CNTN5: variants seen among roughly 807,000 people sequenced by gnomAD.
CNTN5 encodes the protein contactin 5.
Under a neutral mutation model 129.1 loss-of-function variants are expected in CNTN5, and 77 were observed. The ratio of observed to expected loss-of-function variants is 0.60; its 90% confidence interval spans 0.50 to 0.72. The LOEUF (loss-of-function observed/expected upper bound fraction) is 0.72, where lower values mean the gene tolerates loss of function less well. Among genes scored for constraint, CNTN5 ranks in the 30% least tolerant of loss-of-function variants. The pLI is 0.00. For synonymous variants in CNTN5, 509 were observed against 465.6 expected (o/e 1.09, Z -1.20); for missense variants, 1,478 against 1,328.8 (o/e 1.11, Z -1.75).
intron 13 of CNTN5, among the ~76,000 whole-genome samples, chr11:100,075,994 C>T (rs913232116): frequency 3.3e-5 from 5 of 152,002 alleles, no homozygotes; most frequent in African/African-American, 1.2e-4. Context: ...ATTTCTCATT[C>T]TTAGGTTGGG....
chr11:99,228,068 T>A (rs1056964425), intron 1 of CNTN5, among the ~76,000 whole-genome samples: 2 of 152,166 alleles, frequency 1.3e-5, no homozygotes, highest in African/African-American at 4.8e-5. Context: ...ATTTTCACTT[T>A]TTTTTTGAAA....
At chr11:99,372,432 A>T (rs541920197) in intron 2 of CNTN5, among the ~76,000 whole-genome samples, 2 of 152,232 alleles carry the variant, frequency 1.3e-5, no homozygotes, top group Non-Finnish European at 2.9e-5. Flanking sequence ...GTGTAACTGA[A>T]GTGATGCTAA....
At chr11:100,289,515 A>G (rs1015390132) in intron 18 of CNTN5, among the ~76,000 whole-genome samples, 13 of 152,206 alleles carry the variant, frequency 8.5e-5, no homozygotes, top group East Asian at 3.9e-4. Context: ...AAACCACATG[A>G]TTATCTCAAT....
chr11:100,304,947 C>T (rs1031301738), intron 20 of CNTN5, among the ~76,000 whole-genome samples: 2 of 151,330 alleles, frequency 1.3e-5, no homozygotes, highest in African/African-American at 4.8e-5. Context: ...TTCGAGTTAT[C>T]CCCACATCTA....
intron 1 of CNTN5, among the ~76,000 whole-genome samples, chr11:99,183,337 A>T (rs1425170016): frequency 2.0e-5 from 3 of 152,138 alleles, no homozygotes; most frequent in Non-Finnish European, 4.4e-5. Context: ...TTCTGTAGAA[A>T]TTATTTCAGA....
chr11:99,326,954 G>C (rs1001440228), intron 2 of CNTN5, among the ~76,000 whole-genome samples: 2 of 152,010 alleles, frequency 1.3e-5, no homozygotes, highest in African/African-American at 4.8e-5. Context: ...ATAATAATCT[G>C]TATTCTGTCT....
rs138360294 is a variant in CNTN5, at chr11:99,829,305, C to A, written c.277+9540C>A. Among the ~76,000 whole-genome samples, 4 of 152,256 alleles carry A rather than the reference C, an allele frequency of 2.6e-5. No homozygotes were observed. In the East Asian group the frequency reaches 7.7e-4, roughly 29 times the overall value. On this transcript the variant is annotated intron_variant, in intron 4 of 24. Transcript: ENST00000524871. ...GGCTGCATTCAGAATTACTGTGTTG[C>A]ATGACGATGAAAACATGGTTGTGAA...
chr11:99,070,542 T>C (rs936715797), intron 1 of CNTN5, among the ~76,000 whole-genome samples: 28 of 151,446 alleles, frequency 1.8e-4, no homozygotes, highest in Admixed American at 1.8e-3. Context: ...AAAAAAAAGA[T>C]AGATGGACCA....
intron 6 of CNTN5, among the ~76,000 whole-genome samples, chr11:99,874,791 A>G (rs1170842186): frequency 6.6e-6 from 1 of 152,198 alleles, no homozygotes; most frequent in Non-Finnish European, 1.5e-5. Context: ...GGATTTAAAT[A>G]CATTGATAGA....
chr11:99,439,547 A>C (rs1214839483), intron 2 of CNTN5, among the ~76,000 whole-genome samples: 1 of 151,812 alleles, frequency 6.6e-6, no homozygotes, highest in Non-Finnish European at 1.5e-5. Context: ...GTCTCTACTG[A>C]AAATACAAAA....
intron 3 of CNTN5, among the ~76,000 whole-genome samples, chr11:99,634,800 G>T (rs1371921726): frequency 6.6e-6 from 1 of 152,158 alleles, no homozygotes; most frequent in East Asian, 1.9e-4. Context: ...AGATGGATTG[G>T]AACAGAAGTA....
At chr11:99,458,533 A>G (rs534662230) in intron 2 of CNTN5, among the ~76,000 whole-genome samples, 17 of 152,130 alleles carry the variant, frequency 1.1e-4, no homozygotes, top group South Asian at 4.1e-4. Context: ...AAAAATCTAT[A>G]TATCTATTAT....
chr11:100,028,693 G>T (rs748323420), intron 9 of CNTN5, among the ~76,000 whole-genome samples: 20 of 152,036 alleles, frequency 1.3e-4, no homozygotes, highest in African/African-American at 1.7e-4. Context: ...GAAAATAGAT[G>T]GTAGAAAATT....
intron 13 of CNTN5, among the ~76,000 whole-genome samples, chr11:100,124,035 G>A (rs557022102): frequency 2.0e-5 from 3 of 152,028 alleles, no homozygotes; most frequent in Non-Finnish European, 4.4e-5. Context: ...TATAAAAATA[G>A]CCAATATTTA....
Position 100,312,038 on chromosome 11 carries a change from G to A in CNTN5, c.2730+3570G>A, listed in dbSNP as rs117190401. Among the ~76,000 whole-genome samples the A allele has an allele frequency of 3.9e-5, 6 of 152,118 alleles. No individual in the cohort carries two copies. In the East Asian group the frequency reaches 9.7e-4, roughly 25 times the overall value. ...ATAAATCAACGAAAATTCTGACAAT[G>A]ACTTTATACAAACAAACCGGGACAG... On this transcript the variant is annotated intron_variant, in intron 21 of 24. Transcript: ENST00000524871.
intron 9 of CNTN5, among the ~76,000 whole-genome samples, chr11:100,032,916 A>G (rs1941794531): frequency 6.6e-6 from 1 of 152,186 alleles, no homozygotes; most frequent in South Asian, 2.1e-4. Context: ...ATAGAAGAAT[A>G]CAATTCTTAA....
At position 99,435,862 on chromosome 11, in the gene CNTN5, T is replaced by C. The variant is rs1943579293; in HGVS notation, c.-71+110378T>C. Among the ~76,000 whole-genome samples the C allele has an allele frequency of 3.3e-5, 5 of 152,186 alleles. No homozygotes were observed. In the South Asian group the frequency reaches 1.0e-3, roughly 31 times the overall value. On this transcript the variant is annotated intron_variant, in intron 2 of 24. Transcript: ENST00000524871. The stretch of plus-strand genomic sequence containing the variant: ...TGGCCATGTAGGCCATGAAATTATA[T>C]ATGAGGAAGTATATGGGGAAGATGG...
chr11:99,395,943 T>A (rs774367275), intron 2 of CNTN5, among the ~76,000 whole-genome samples: 1 of 152,006 alleles, frequency 6.6e-6, no homozygotes, highest in African/African-American at 2.4e-5. Context: ...TTGGTTAATG[T>A]AGGCCTGCAG....
chr11:99,922,320 A>G (rs1490232592), intron 7 of CNTN5, among the ~76,000 whole-genome samples: 1 of 152,152 alleles, frequency 6.6e-6, no homozygotes, highest in South Asian at 2.1e-4. Context: ...ATCCCACAAC[A>G]CGTAGGGATT....
Sources: gnomAD v4.1 joint callset for allele counts (sites outside exome capture counted in the v4.1 genomes callset) on GRCh38, gnomAD v4.1.1 for gene constraint, MANE v1.5 for transcripts, NCBI Gene and HGNC (gene_info 2026-07-23, HGNC 2026-07-21) for gene names.